Variants in ACSS1 observed in about 807,000 individuals in gnomAD.
ACSS1 encodes the protein acetyl-coenzyme A synthetase 2-like, mitochondrial.
A neutral mutation model predicts 75.3 loss-of-function variants in ACSS1; 42 were observed. That is an observed-to-expected ratio of 0.56 (90% confidence interval 0.44 to 0.72). The LOEUF is 0.72. ACSS1 is among the 30% of genes least tolerant of loss of function. The probability of loss-of-function intolerance (pLI) is 0.00; values close to 1 mark genes in which losing one functional copy is unlikely to be tolerated. For synonymous variants in ACSS1, 380 were observed against 376.8 expected (o/e 1.01, Z -0.10); for missense variants, 782 against 935.7 (o/e 0.84, Z 2.14).
rs979421275 is a variant in ACSS1, at chr20:25,039,410, AC to A, written c.432-8453del. Among the ~76,000 whole-genome samples, 17 of 152,312 alleles carry A rather than the reference AC, an allele frequency of 1.1e-4. No individual in the cohort carries two copies. In the East Asian group the frequency reaches 2.3e-3, roughly 21 times the overall value. The stretch of plus-strand genomic sequence containing the variant: ...TGTAACATTTTTCTTGAGTTAGTTC[AC>A]TTTTTTAATATAAATTTATTCTAAG... On this transcript the variant is annotated intron_variant, in intron 2 of 13. Coordinates refer to ENST00000323482, the MANE Select transcript of ACSS1 (RefSeq NM_032501.4).
chr20:25,013,096 G>A (rs540025373), intron 10 of ACSS1, among the ~76,000 whole-genome samples, 157 bp from the exon 11 acceptor site: 6 of 152,338 alleles, frequency 3.9e-5, no homozygotes, highest in Admixed American at 1.3e-4. Flanking sequence ...CTAGAGCATG[G>A]GCAGGTGGCT....
At chr20:25,015,450 C>G (rs1302931454) in intron 7 of ACSS1, among the ~76,000 whole-genome samples, 1 of 152,150 alleles carries the variant, frequency 6.6e-6, no homozygotes, top group Non-Finnish European at 1.5e-5. Flanking sequence ...CGCCTGCCAC[C>G]ACACCCGGCT....
At chr20:25,032,598 C>A in intron 2 of ACSS1, 3 of 1,236,824 alleles carry the variant, frequency 2.4e-6, no homozygotes, top group Non-Finnish European at 1.0e-6. Context: ...GCCCGCGACC[C>A]CTGCCCTCTG....
intron 2 of ACSS1, among the ~76,000 whole-genome samples, chr20:25,039,627 C>A (rs1242891653): frequency 6.6e-6 from 1 of 152,180 alleles, no homozygotes; most frequent in Non-Finnish European, 1.5e-5. Flanking sequence ...GGCCACCTGC[C>A]CAGGGCATGC....
intron 12 of ACSS1, chr20:25,011,546 C>A (rs1228598588): frequency 6.6e-6 from 1 of 152,304 alleles, no homozygotes; most frequent in African/African-American, 2.4e-5. Flanking sequence ...CACTAAGTTA[C>A]CCTAGTCACA....
At chr20:25,044,861 C>T (rs1281588599) in intron 2 of ACSS1, among the ~76,000 whole-genome samples, 2 of 152,172 alleles carry the variant, frequency 1.3e-5, no homozygotes, top group African/African-American at 2.4e-5. Context: ...ACCCTGGAGT[C>T]GGGTGGCAGA....
intron 10 of ACSS1, 144 bp from the exon 11 acceptor site, chr20:25,013,083 G>A (rs1466393422): frequency 1.6e-6 from 2 of 1,270,878 alleles, no homozygotes; most frequent in African/African-American, 3.0e-5. Flanking sequence ...GCTTCCCTAT[G>A]TTCTAGAGCA....
intron 2 of ACSS1, among the ~76,000 whole-genome samples, chr20:25,039,675 G>A (rs2088971130): frequency 6.6e-6 from 1 of 152,216 alleles, no homozygotes; most frequent in Non-Finnish European, 1.5e-5. Context: ...CACATCCTTA[G>A]TTTTTCTTTT....
chr20:25,027,547 T>C (rs1203412137), intron 3 of ACSS1, among the ~76,000 whole-genome samples: 1 of 152,078 alleles, frequency 6.6e-6, no homozygotes, highest in Non-Finnish European at 1.5e-5. Context: ...ACATCTCAAT[T>C]GACGCAGAGC....
At chr20:25,026,657 A>T (rs1460010854) in intron 3 of ACSS1, among the ~76,000 whole-genome samples, 1 of 152,240 alleles carries the variant, frequency 6.6e-6, no homozygotes, top group Non-Finnish European at 1.5e-5. Context: ...TATTGTTTTC[A>T]GTTTTATTAA....
chr20:25,044,866 G>A (rs948243886), intron 2 of ACSS1, among the ~76,000 whole-genome samples: 2 of 152,198 alleles, frequency 1.3e-5, no homozygotes, highest in Middle Eastern at 3.2e-3. Context: ...GGAGTCGGGT[G>A]GCAGACTGCC....
intron 8 of ACSS1, among the ~76,000 whole-genome samples, 199 bp from the exon 9 acceptor site, chr20:25,014,272 C>T (rs2088476515): frequency 6.6e-6 from 1 of 152,188 alleles, no homozygotes; most frequent in African/African-American, 2.4e-5. Context: ...TGGCCTCAGC[C>T]CCAGGAGCTC....
At chr20:25,050,031 C>T (rs1006784157) in intron 1 of ACSS1, among the ~76,000 whole-genome samples, 1 of 152,108 alleles carries the variant, frequency 6.6e-6, no homozygotes, top group Non-Finnish European at 1.5e-5. Context: ...AGGCAGGCGA[C>T]AGGAACATGT....
intron 8 of ACSS1, 74 bp from the exon 9 acceptor site, chr20:25,014,147 G>A: frequency 1.6e-6 from 2 of 1,269,204 alleles, no homozygotes; most frequent in South Asian, 2.6e-5. Flanking sequence ...GTGGGTGGTA[G>A]GTGGGACTGT....
At chr20:25,024,577 A>G (rs975264605) in intron 3 of ACSS1, among the ~76,000 whole-genome samples, 5 of 152,144 alleles carry the variant, frequency 3.3e-5, no homozygotes, top group African/African-American at 9.7e-5. Context: ...CCCTCGACCA[A>G]TGGCTCTCCA....
intron 1 of ACSS1, among the ~76,000 whole-genome samples, chr20:25,053,474 A>G (rs1021460403): frequency 1.1e-4 from 17 of 152,184 alleles, no homozygotes; most frequent in Admixed American, 6.5e-4. Flanking sequence ...TATTTAAAGT[A>G]AGTCGTGCCC....
intron 2 of ACSS1, among the ~76,000 whole-genome samples, chr20:25,047,502 G>A (rs1004780302): frequency 6.6e-6 from 1 of 152,220 alleles, no homozygotes; most frequent in African/African-American, 2.4e-5. Context: ...GGCACCCAGT[G>A]AAGACTTGCT....
At chr20:25,033,771 G>A (rs1162168252) in intron 2 of ACSS1, among the ~76,000 whole-genome samples, 1 of 152,348 alleles carries the variant, frequency 6.6e-6, no homozygotes, top group South Asian at 2.1e-4. Flanking sequence ...AGCCACTGGG[G>A]GTGGCAGGGA....
At position 25,012,636 on chromosome 20, in the gene ACSS1, G is replaced by T; in HGVS notation, c.1736C>A (p.Ala579Asp). 6.2e-7 allele frequency: 1 copy of T among 1,614,214 alleles called. No homozygotes were observed. The highest frequency in any genetic ancestry group is 8.5e-7 in the Non-Finnish European group (1 of 1,180,038). Reference protein sequence around the residue: ...IADHPAVPESAVIGYPHDIKG... With the variant: ...IADHPAVPESDVIGYPHDIKG... ...GATGTCGTGGGGGTAGCCAATGACAGCACTTTCTGGTACTGCAGGGTGGTC... is the reference window on the plus strand; with the variant it reads ...GATGTCGTGGGGGTAGCCAATGACATCACTTTCTGGTACTGCAGGGTGGTC... The change falls in exon 12 of 14, where the codon GCT becomes GAT. Residue 579 changes from alanine to aspartate, a missense_variant. By Grantham distance (126) the Ala-to-Asp change is moderately radical. This residue lies in a region of ACSS1 where 405 missense variants were observed against 552.6 expected (regional missense o/e 0.73). Transcript: ENST00000323482.
Sources: allele counts gnomAD v4.1 joint callset (sites outside exome capture counted in the v4.1 genomes callset), GRCh38; gene constraint gnomAD v4.1.1; regional missense constraint gnomAD v4.1.1; transcripts MANE v1.5; gene names NCBI Gene and HGNC (gene_info 2026-07-23, HGNC 2026-07-21).